Variants in ZNF804A observed in about 807,000 individuals in gnomAD.
The protein encoded by ZNF804A is zinc finger protein 804A.
ZNF804A carries 2 observed loss-of-function variants against 16.5 expected under a neutral mutation model. That is an observed-to-expected ratio of 0.12 (90% confidence interval 0.05 to 0.38). ZNF804A has a LOEUF of 0.38. Ranked by LOEUF, ZNF804A falls within the 10% of genes least tolerant of loss-of-function variation. The probability of loss-of-function intolerance (pLI) is 0.99; values close to 1 mark genes in which losing one functional copy is unlikely to be tolerated. For synonymous variants in ZNF804A, 534 were observed against 489.6 expected (o/e 1.09, Z -1.20); for missense variants, 1,473 against 1,390.7 (o/e 1.06, Z -0.94).
At position 184,938,483 on chromosome 2, in the gene ZNF804A, A is replaced by G; in HGVS notation, c.3087A>G (p.Leu1029=). ...AGCAAATCCTGGCTCCATTAGCTTT[A>G]CCAGAGCAAGCATTATTGATCCCAC... The part of the protein sequence containing the change: ...TAEQILAPLA[L]PEQALLIPLE... The change falls in exon 4 of 4, where the codon TTA becomes TTG. Residue 1029 remains leucine, a synonymous_variant. Coordinates refer to ENST00000302277, the MANE Select transcript of ZNF804A (RefSeq NM_194250.2). The G allele has an allele frequency of 6.2e-7, 1 of 1,614,104 alleles. No individual in the cohort carries two copies. The highest frequency in any genetic ancestry group is 8.5e-7 in the Non-Finnish European group (1 of 1,180,018).
At chr2:184,881,671 GC>G (rs941009085) in intron 2 of ZNF804A, among the ~76,000 whole-genome samples, 6 of 151,802 alleles carry the variant, frequency 4.0e-5, no homozygotes, top group Admixed American at 3.9e-4. Flanking sequence ...TATTAGTCTA[GC>G]TAGCCAAGCC....
intron 1 of ZNF804A, among the ~76,000 whole-genome samples, chr2:184,652,382 G>A (rs1692000685): frequency 1.3e-5 from 2 of 151,916 alleles, no homozygotes; most frequent in Non-Finnish European, 2.9e-5. Context: ...CCAAACCTCA[G>A]CAATGTACCT....
chr2:184,730,686 T>G (rs1693499586), intron 1 of ZNF804A, among the ~76,000 whole-genome samples: 1 of 152,180 alleles, frequency 6.6e-6, no homozygotes, highest in Non-Finnish European at 1.5e-5. Context: ...TTCCTCCATA[T>G]CTTCTTGTGC....
intron 1 of ZNF804A, among the ~76,000 whole-genome samples, chr2:184,675,683 A>C (rs566810939): frequency 3.3e-5 from 5 of 151,804 alleles, no homozygotes; most frequent in Middle Eastern, 6.3e-3. Flanking sequence ...TTTGTGGAAG[A>C]AGTGAGGCAC....
intron 1 of ZNF804A, among the ~76,000 whole-genome samples, chr2:184,765,614 C>CCG (rs1559144781): frequency 7.1e-6 from 1 of 141,542 alleles, no homozygotes; most frequent in African/African-American, 2.8e-5. Context: ...CACCCCCCCC[C>CCG]CTTAGAGTCG....
chr2:184,866,717 G>T, intron 2 of ZNF804A, among the ~76,000 whole-genome samples: 1 of 146,934 alleles, frequency 6.8e-6, no homozygotes, highest in African/African-American at 2.5e-5. Flanking sequence ...CAATAGCAAA[G>T]TCTGAAATAA....
intron 1 of ZNF804A, among the ~76,000 whole-genome samples, chr2:184,838,277 C>T (rs1328921734): frequency 1.3e-5 from 2 of 152,044 alleles, no homozygotes; most frequent in Non-Finnish European, 2.9e-5. Flanking sequence ...TAAAACTAGA[C>T]TACTTATCTT....
chr2:184,929,755 T>G (rs2105840701), intron 2 of ZNF804A, among the ~76,000 whole-genome samples: 1 of 152,316 alleles, frequency 6.6e-6, no homozygotes, highest in South Asian at 2.1e-4. Context: ...TGTAGAAAAC[T>G]TAGATTCTTG....
chr2:184,692,533 C>G (rs1424427612), intron 1 of ZNF804A, among the ~76,000 whole-genome samples: 1 of 152,170 alleles, frequency 6.6e-6, no homozygotes, highest in Non-Finnish European at 1.5e-5. Context: ...TAGTTTCTGA[C>G]ATTTGACTCT....
At chr2:184,709,244 A>G (rs1693084628) in intron 1 of ZNF804A, among the ~76,000 whole-genome samples, 1 of 152,150 alleles carries the variant, frequency 6.6e-6, no homozygotes, top group Admixed American at 6.6e-5. Flanking sequence ...TACTCTCTGA[A>G]ACTAAAGAAT....
intron 2 of ZNF804A, among the ~76,000 whole-genome samples, chr2:184,867,053 T>C (rs896789732): frequency 7.9e-5 from 12 of 151,996 alleles, no homozygotes; most frequent in Admixed American, 7.2e-4. Flanking sequence ...ATATCTATGA[T>C]TTTGTTCATT....
At chr2:184,617,772 AT>A (rs1054264208) in intron 1 of ZNF804A, among the ~76,000 whole-genome samples, 2 of 151,618 alleles carry the variant, frequency 1.3e-5, no homozygotes, top group African/African-American at 4.8e-5. Context: ...TCTAAATCAT[AT>A]TTTCAAATCA....
chr2:184,862,856 A>C (rs148954956), intron 1 of ZNF804A, among the ~76,000 whole-genome samples: 1,877 of 152,204 alleles, frequency 0.012, 17 homozygotes, highest in Non-Finnish European at 0.019. Flanking sequence ...AGCTATTTGC[A>C]CACACTGACT....
At chr2:184,916,464 A>G (rs1685450439) in intron 2 of ZNF804A, among the ~76,000 whole-genome samples, 1 of 152,186 alleles carries the variant, frequency 6.6e-6, no homozygotes, top group African/African-American at 2.4e-5. Flanking sequence ...GTCTAAAAAT[A>G]TAAAGAGAAT....
At position 184,936,257 on chromosome 2, in the gene ZNF804A, CA is replaced by C; in HGVS notation, c.864del (p.Glu289LysfsTer8). 6.2e-7 allele frequency: 1 copy of C among 1,613,884 alleles called. No individual in the cohort carries two copies. The highest frequency in any genetic ancestry group is 8.5e-7 in the Non-Finnish European group (1 of 1,179,950). ...ATCCACCAGAGGCAATGTGCAGAGA[CA>C]AAGAAACTGTTCAAACTCAAGAGAT... ...FHPPEAMCRDKETVQTQEIKE... is the reference protein window; with the variant it reads ...FHPPEAMCRDXETVQTQEIKE... On this transcript the variant is annotated frameshift_variant, in exon 4 of 4. Transcript: ENST00000302277. LOFTEE classifies it low-confidence loss of function (END_TRUNC).
intron 2 of ZNF804A, among the ~76,000 whole-genome samples, chr2:184,885,465 A>T (rs554589078): frequency 1.3e-5 from 2 of 152,288 alleles, no homozygotes; most frequent in African/African-American, 2.4e-5. Flanking sequence ...AGAGTGGATT[A>T]AAAAAATGTG....
intron 2 of ZNF804A, among the ~76,000 whole-genome samples, chr2:184,873,411 C>G (rs563190938): frequency 2.6e-5 from 4 of 152,240 alleles, no homozygotes; most frequent in African/African-American, 7.2e-5. Flanking sequence ...TCGCTTGAGC[C>G]TGGGAGATCG....
intron 1 of ZNF804A, among the ~76,000 whole-genome samples, chr2:184,782,304 G>A (rs1438621846): frequency 6.6e-6 from 1 of 151,574 alleles, no homozygotes; most frequent in Non-Finnish European, 1.5e-5. Flanking sequence ...TTGATCCTGG[G>A]TGTGTCTACG....
intron 1 of ZNF804A, among the ~76,000 whole-genome samples, chr2:184,717,060 C>T (rs372375170): frequency 2.0e-5 from 3 of 152,014 alleles, no homozygotes; most frequent in East Asian, 1.9e-4. Flanking sequence ...GGCATCCCAT[C>T]CTGGCAGGGT....
Sources: gnomAD v4.1 joint callset for allele counts (sites outside exome capture counted in the v4.1 genomes callset) on GRCh38, gnomAD v4.1.1 for gene constraint, MANE v1.5 for transcripts, NCBI Gene and HGNC (gene_info 2026-07-23, HGNC 2026-07-21) for gene names.